The following TMEM273 variants were observed in gnomAD, a reference collection of about 807,000 sequenced individuals.
TMEM273 encodes the protein chromosome 10 open reading frame 128.
TMEM273 carries 19 observed loss-of-function variants against 17.9 expected under a neutral mutation model. The observed-to-expected ratio is 1.06, with a 90% CI of 0.74 to 1.55. The LOEUF (loss-of-function observed/expected upper bound fraction) is 1.55, where lower values mean the gene tolerates loss of function less well. Among genes scored for constraint, TMEM273 ranks in the 40% most tolerant of loss-of-function variants. The pLI is 0.00. For missense variants in TMEM273, 194 were observed against 155.6 expected, an observed-to-expected ratio of 1.25 and a Z score of -1.31; for synonymous variants, 66 against 62.0, an observed-to-expected ratio of 1.07 and a Z score of -0.31.
Position 49,156,384 on chromosome 10 carries a change from G to A in TMEM273, c.373-475C>T, listed in dbSNP as rs138961446. ...GCTTGGTGTACCAGCTTTGATGAAA[G>A]GGAAGGGCAGCATAGGTGTCTAAAA... On this transcript the variant is annotated intron_variant, in intron 6 of 6. Transcript: ENST00000374153. The A allele has an allele frequency of 2.1e-3, 1,749 of 830,614 alleles. 11 individuals carry two copies. The highest frequency in any genetic ancestry group is 9.5e-3 in the South Asian group (548 of 57,410). The allele number at this position is 830,614 out of a possible 1,614,324, so 51.5% of individuals were successfully genotyped here.
At chr10:49,170,226 G>C (rs1846469287) in intron 1 of TMEM273, among the ~76,000 whole-genome samples, 1 of 152,188 alleles carries the variant, frequency 6.6e-6, no homozygotes, top group African/African-American at 2.4e-5. Flanking sequence ...ACCATCATTG[G>C]GAGGGAAGAG....
chr10:49,165,614 G>A (rs1564626365), intron 4 of TMEM273, 152 bp downstream of exon 4: 1 of 1,242,006 alleles, frequency 8.1e-7, no homozygotes, highest in Non-Finnish European at 1.1e-6. Context: ...GAGGAGGAGA[G>A]AGTGTAAGGA....
intron 3 of TMEM273, chr10:49,166,483 A>T (rs1364115115): frequency 3.5e-6 from 1 of 285,652 alleles, no homozygotes; most frequent in Non-Finnish European, 6.8e-6. Flanking sequence ...TGATCTCATC[A>T]TTTGGATGAG....
At chr10:49,161,808 G>C (rs1385796512) in intron 5 of TMEM273, among the ~76,000 whole-genome samples, 186 bp from the exon 6 acceptor site, 1 of 152,120 alleles carries the variant, frequency 6.6e-6, no homozygotes, top group Non-Finnish European at 1.5e-5. Flanking sequence ...TCTCCTCTCT[G>C]AAAGTCCCTC....
chr10:49,166,426 G>A (rs1038817951), intron 3 of TMEM273: 19 of 227,744 alleles, frequency 8.3e-5, no homozygotes, highest in Non-Finnish European at 1.5e-4. Flanking sequence ...CCCACCATCC[G>A]CCCACACTTA....
At chr10:49,187,962 C>T (rs1311943283) in intron 1 of TMEM273, among the ~76,000 whole-genome samples, 1 of 152,214 alleles carries the variant, frequency 6.6e-6, no homozygotes, top group Non-Finnish European at 1.5e-5. Context: ...TCTCCCATCT[C>T]ATTGGTTCAG....
At chr10:49,167,151 A>C in intron 2 of TMEM273, 142 bp from the exon 3 acceptor site, 2 of 1,164,720 alleles carry the variant, frequency 1.7e-6, no homozygotes, top group Non-Finnish European at 2.4e-6. Context: ...CTACTCTCCC[A>C]TGAGTCCCTT....
At chr10:49,180,257 T>C (rs968135268) in intron 1 of TMEM273, among the ~76,000 whole-genome samples, 1 of 152,094 alleles carries the variant, frequency 6.6e-6, no homozygotes, top group Non-Finnish European at 1.5e-5. Context: ...TGAGCCTGGG[T>C]ACTCCCAGCA....
intron 6 of TMEM273, chr10:49,161,368 G>T: frequency 1.7e-6 from 1 of 596,450 alleles, no homozygotes; most frequent in Non-Finnish European, 3.0e-6. Context: ...AGCTCTAACT[G>T]GGCAAATGCC....
In TMEM273 at chr10:49,155,000, G is replaced by A. The variant is rs1845432616; in HGVS notation, c.*892C>T. 6.6e-6 allele frequency: 1 copy of A among 152,220 alleles called. No individual in the cohort carries two copies. The highest frequency in any genetic ancestry group is 1.5e-5 in the Non-Finnish European group (1 of 68,048). 9.4% of individuals were successfully genotyped at this position (152,220 alleles called of 1,614,324 possible). A position where few individuals can be genotyped will look rare whatever the true frequency, so the allele number is the denominator to read the frequency against. On this transcript the variant is annotated 3_prime_UTR_variant, in exon 7 of 7. Coordinates refer to ENST00000374153, the MANE Select transcript of TMEM273 (RefSeq NM_001288740.3). ...GGAAAGGCAAAGAATATTCCGTGAT[G>A]TGATCCCAGAAATACAGGGTTAATA...
At chr10:49,179,440 C>CTG in intron 1 of TMEM273, among the ~76,000 whole-genome samples, 1 of 152,326 alleles carries the variant, frequency 6.6e-6, no homozygotes, top group Non-Finnish European at 1.5e-5. Flanking sequence ...AGAATCAGGA[C>CTG]TGTGTGTCTG....
chr10:49,169,332 C>G (rs1173347016), intron 1 of TMEM273, among the ~76,000 whole-genome samples: 1 of 152,200 alleles, frequency 6.6e-6, no homozygotes, highest in Admixed American at 6.5e-5. Context: ...GCAAAGACAT[C>G]CTCCACCCAA....
At chr10:49,165,875 C>A in intron 3 of TMEM273, 79 bp from the exon 4 acceptor site, 1 of 1,577,282 alleles carries the variant, frequency 6.3e-7, no homozygotes, top group Non-Finnish European at 8.7e-7. Context: ...TTTCACCTCC[C>A]TCTCCTTGGT....
intron 2 of TMEM273, among the ~76,000 whole-genome samples, chr10:49,167,670 G>A (rs1328830700): frequency 1.3e-5 from 2 of 152,246 alleles, no homozygotes; most frequent in South Asian, 2.1e-4. Context: ...GTGGGTGCTG[G>A]AGCCACGCAT....
chr10:49,160,204 A>AC (rs899205810), intron 6 of TMEM273: 11 of 152,240 alleles, frequency 7.2e-5, no homozygotes, highest in Admixed American at 2.0e-4. Context: ...TCAAAGTGCC[A>AC]CCCCTCGTAT....
At chr10:49,171,860 C>A (rs1846592166) in intron 1 of TMEM273, among the ~76,000 whole-genome samples, 1 of 138,478 alleles carries the variant, frequency 7.2e-6, no homozygotes, top group Admixed American at 6.8e-5. Flanking sequence ...GAGCCCATCC[C>A]CGGCATCCAG....
intron 1 of TMEM273, among the ~76,000 whole-genome samples, chr10:49,179,796 A>C (rs7073558): frequency 0.16 from 23,773 of 152,084 alleles, 2,220 homozygotes; most frequent in Non-Finnish European, 0.23. Context: ...CAGAAGCCCC[A>C]AGAAAAGCCA....
chr10:49,165,838 C>T (rs966692026), intron 3 of TMEM273, 42 bp from the exon 4 acceptor site: 2 of 1,612,776 alleles, frequency 1.2e-6, no homozygotes, highest in Non-Finnish European at 1.7e-6. Context: ...GGTCGTGTGA[C>T]AAGAGGTGCA....
chr10:49,165,754 CA>C lies in TMEM273; in HGVS notation c.269+11del. The C allele has an allele frequency of 6.2e-7, 1 of 1,614,140 alleles. No homozygotes were observed. Among genetic ancestry groups the C allele is most frequent in the Non-Finnish European group, 8.5e-7 (1 of 1,179,996 alleles). On this transcript the variant is annotated intron_variant, in intron 4 of 6. Coordinates refer to ENST00000374153, the MANE Select transcript of TMEM273 (RefSeq NM_001288740.3). ...CGATACCTCTCCCTGACTGTGTGGG[CA>C]GTGACCTTACCTTGGGGCTCTCTTC... is the stretch of plus-strand genomic sequence containing the variant.
Sources: gnomAD v4.1 joint callset for allele counts (sites outside exome capture counted in the v4.1 genomes callset) on GRCh38, gnomAD v4.1.1 for gene constraint, MANE v1.5 for transcripts, NCBI Gene and HGNC (gene_info 2026-07-23, HGNC 2026-07-21) for gene names.